Variants in ENOSF1 observed in about 807,000 individuals in gnomAD.
ENOSF1 encodes the protein enolase superfamily member 1.
Under a neutral mutation model 68.2 loss-of-function variants are expected in ENOSF1, and 73 were observed. That is an observed-to-expected ratio of 1.07 (90% CI 0.89 to 1.30). ENOSF1 has a LOEUF of 1.30. ENOSF1 is among the 50% of genes most tolerant of loss of function. The pLI is 0.00. For missense variants in ENOSF1, 589 were observed against 554.5 expected (o/e 1.06, Z -0.62); for synonymous variants, 223 against 210.4 (o/e 1.06, Z -0.52).
intron 11 of ENOSF1, among the ~76,000 whole-genome samples, chr18:680,861 T>C (rs1424402039): frequency 2.0e-5 from 3 of 151,118 alleles, no homozygotes; most frequent in Admixed American, 1.3e-4. Context: ...TTTTTTTTTT[T>C]CTGAGATGGA....
Position 680,685 on chromosome 18 carries a change from T to G in ENOSF1, c.877-1948A>C, listed in dbSNP as rs55942727. On this transcript the variant is annotated intron_variant, in intron 11 of 15. Coordinates refer to ENST00000647584, the MANE Select transcript of ENOSF1 (RefSeq NM_017512.7). The stretch of plus-strand genomic sequence containing the variant: ...GTCACTATGCTGTTGTGTTTTTTTT[T>G]TTTTTTTTTTTTTGAGATGGAGTAT... 8.8e-3 allele frequency among the ~76,000 whole-genome samples: 1,146 copies of G among 130,710 alleles called. 15 individuals are homozygous for G. Among genetic ancestry groups the G allele is most frequent in the African/African-American group, 0.03 (1,085 of 36,626 alleles). The allele number at this position is 130,710 out of a possible 152,430, so 85.8% of individuals were successfully genotyped here. A position where few individuals can be genotyped will look rare whatever the true frequency, so the allele number is the denominator to read the frequency against.
chr18:699,304 A>G (rs1179543010), intron 2 of ENOSF1, among the ~76,000 whole-genome samples: 1 of 152,040 alleles, frequency 6.6e-6, no homozygotes, highest in Non-Finnish European at 1.5e-5. Flanking sequence ...TCTACAAAAA[A>G]TACAAAAATT....
intron 3 of ENOSF1, among the ~76,000 whole-genome samples, chr18:695,959 T>A (rs115743953): frequency 6.6e-6 from 1 of 152,108 alleles, no homozygotes; most frequent in African/African-American, 2.4e-5. Context: ...CCCTTCTCAG[T>A]GCATGGATGG....
At chr18:711,274 T>C (rs1370105262) in intron 1 of ENOSF1, among the ~76,000 whole-genome samples, 1 of 152,240 alleles carries the variant, frequency 6.6e-6, no homozygotes, top group Non-Finnish European at 1.5e-5. Flanking sequence ...TTGCATTTAA[T>C]AACTTTAACG....
intron 5 of ENOSF1, chr18:693,644 T>A: frequency 1.0e-6 from 1 of 985,378 alleles, no homozygotes; most frequent in Non-Finnish European, 1.2e-6. Context: ...ACATGCACAG[T>A]GGGGGAGGCA....
chr18:706,615 T>C, intron 1 of ENOSF1, 37 bp from the exon 2 acceptor site: 1 of 1,483,076 alleles, frequency 6.7e-7, no homozygotes, highest in South Asian at 1.1e-5. Context: ...ACAATGCCAG[T>C]GTGAGAAACC....
At chr18:700,508 C>A (rs1420870640) in intron 2 of ENOSF1, among the ~76,000 whole-genome samples, 1 of 152,174 alleles carries the variant, frequency 6.6e-6, no homozygotes, top group Non-Finnish European at 1.5e-5. Context: ...TCAGAGTGCA[C>A]AAGCAGCACT....
At chr18:705,676 G>A (rs1021643525) in intron 2 of ENOSF1, among the ~76,000 whole-genome samples, 4 of 151,974 alleles carry the variant, frequency 2.6e-5, no homozygotes, top group East Asian at 3.9e-4. Context: ...AGCCCTTTTC[G>A]CCATGAAAAT....
intron 5 of ENOSF1, chr18:693,531 T>C (rs1368280147): frequency 1.0e-6 from 1 of 985,280 alleles, no homozygotes; most frequent in East Asian, 1.1e-4. Flanking sequence ...ATGAGGTGCT[T>C]TTCTCATTGA....
intron 5 of ENOSF1, 138 bp from the exon 6 acceptor site, chr18:691,414 T>C (rs1278525252): frequency 1.5e-5 from 10 of 664,700 alleles, no homozygotes; most frequent in Admixed American, 2.8e-5. Context: ...GATGCCATCA[T>C]AGCTCACTGC....
intron 1 of ENOSF1, among the ~76,000 whole-genome samples, chr18:708,945 T>C (rs1704334502): frequency 6.6e-6 from 1 of 151,694 alleles, no homozygotes; most frequent in South Asian, 2.1e-4. Context: ...GAGGAAGCAA[T>C]GGAAAAAGGA....
Position 682,941 on chromosome 18 carries a change from C to T in ENOSF1, c.876+305G>A, listed in dbSNP as rs114527388. 1,263 of 252,142 alleles carry T rather than the reference C, an allele frequency of 5.0e-3. 15 individuals are homozygous for T. The highest frequency in any genetic ancestry group is 0.027 in the African/African-American group (1,193 of 44,646). The allele number at this position is 252,142 out of a possible 1,614,324, so 15.6% of individuals were successfully genotyped here. ...AAAAAACAAAAAAAAAAAATGCTGT[C>T]ACATTTCTGTATTTACAAAGCATAG... On this transcript the variant is annotated intron_variant, in intron 11 of 15. Transcript: ENST00000647584.
chr18:711,189 A>C (rs1568157621), intron 1 of ENOSF1, among the ~76,000 whole-genome samples: 1 of 152,124 alleles, frequency 6.6e-6, no homozygotes, highest in Non-Finnish European at 1.5e-5. Context: ...TAAATAAATA[A>C]ATTTAAAACA....
At chr18:700,890 CAAAAAAAAAAAAAA>C (rs71174273) in intron 2 of ENOSF1, among the ~76,000 whole-genome samples, 2 of 64,916 alleles carry the variant, frequency 3.1e-5, no homozygotes, top group African/African-American at 6.1e-5. Flanking sequence ...AACTCTGCCT[CAAAAAAAAAAAAAA>C]AAAAAAAAAA....
rs1356211942 is a variant in ENOSF1, at chr18:690,597, G to GT, written c.569dup (p.Tyr190Ter). 1.2e-6 allele frequency: 2 copies of GT among 1,613,848 alleles called. No homozygotes were observed. Among genetic ancestry groups the GT allele is most frequent in the Admixed American group, 1.7e-5 (1 of 60,020 alleles). ...ACCCCAGCCAGGCGCACGATGTCGTGTAAGCAGGGTATCCTTGTGCCAGCA... is the reference window on the plus strand; with the variant it reads ...ACCCCAGCCAGGCGCACGATGTCGTGTTAAGCAGGGTATCCTTGTGCCAGCA... ...KQMLAQGYPA[Y>*]TTSCAWLGYS... is the part of the protein sequence containing the mutation. The change falls in exon 8 of 16, where the codon TAC becomes TAAC. Residue 190 changes from tyrosine to a stop codon, truncating the protein, a stop_gained and frameshift_variant. Transcript: ENST00000647584. LOFTEE classifies it high-confidence loss of function.
chr18:668,942 C>T (rs1275861667), downstream of ENOSF1: 4 of 648,488 alleles, frequency 6.2e-6, no homozygotes, highest in Non-Finnish European at 1.0e-5. Flanking sequence ...GCAGGATGCA[C>T]CAGATGTCTT....
chr18:697,968 A>AT (rs1180106557), intron 2 of ENOSF1, among the ~76,000 whole-genome samples: 2 of 152,010 alleles, frequency 1.3e-5, no homozygotes, highest in East Asian at 3.9e-4. Flanking sequence ...TAATTTTGGT[A>AT]TTTTTTGTAG....
intron 5 of ENOSF1, chr18:693,332 C>CT (rs1182862122): frequency 3.3e-6 from 4 of 1,207,452 alleles, no homozygotes; most frequent in Admixed American, 6.3e-5. Flanking sequence ...TTTCTTTTTT[C>CT]TTTTTTTGAG....
At chr18:679,084 C>T (rs1466389080) in intron 11 of ENOSF1, among the ~76,000 whole-genome samples, 3 of 152,128 alleles carry the variant, frequency 2.0e-5, no homozygotes, top group African/African-American at 4.8e-5. Flanking sequence ...CAGGGCTATT[C>T]GGAGTGGCTC....
Sources: allele counts gnomAD v4.1 joint callset (sites outside exome capture counted in the v4.1 genomes callset), GRCh38; gene constraint gnomAD v4.1.1; transcripts MANE v1.5; gene names NCBI Gene and HGNC (gene_info 2026-07-23, HGNC 2026-07-21).